The following ANKS1B variants were observed in gnomAD, a reference collection of about 807,000 sequenced individuals.
The protein encoded by ANKS1B is ankyrin repeat and sterile alpha motif domain-containing protein 1B.
A neutral mutation model predicts 148.3 loss-of-function variants in ANKS1B; 36 were observed. The observed-to-expected ratio is 0.24, with a 90% CI of 0.19 to 0.32. ANKS1B has a LOEUF of 0.32. Among genes scored for constraint, ANKS1B ranks in the 10% least tolerant of loss-of-function variants. ANKS1B has a pLI of 1.00. For missense variants in ANKS1B, 1,157 were observed against 1,542.6 expected (o/e 0.75, Z 4.19); for synonymous variants, 542 against 560.8 (o/e 0.97, Z 0.47).
At chr12:98,754,968 T>C (rs1244374062) in intron 25 of ANKS1B, among the ~76,000 whole-genome samples, 2 of 152,218 alleles carry the variant, frequency 1.3e-5, no homozygotes, top group African/African-American at 4.8e-5. Context: ...TTTGTGATTA[T>C]GTATAGTACA....
At chr12:99,678,952 C>A (rs1211940446) in intron 8 of ANKS1B, among the ~76,000 whole-genome samples, 3 of 152,094 alleles carry the variant, frequency 2.0e-5, no homozygotes, top group African/African-American at 7.2e-5. Flanking sequence ...ACTATAATCT[C>A]TTATAAATAT....
intron 8 of ANKS1B, among the ~76,000 whole-genome samples, chr12:99,698,468 C>G (rs1478745794): frequency 6.6e-6 from 1 of 151,864 alleles, no homozygotes; most frequent in Non-Finnish European, 1.5e-5. Flanking sequence ...TACACTGACA[C>G]TATTGGGAAC....
In ANKS1B at chr12:99,632,750, TATATATATATATATATA is replaced by T. The variant is rs1567522557; in HGVS notation, c.1272+22300_1272+22316del. ...TTCTATATATATATATATATATATATATATATATATATATATATTTTAATTATACTTTAAGTTCTAGG... is the reference window on the plus strand; with the variant it reads ...TTCTATATATATATATATATATATATTTTTAATTATACTTTAAGTTCTAGG... On this transcript the variant is annotated intron_variant, in intron 9 of 26. Coordinates refer to ENST00000683438, the MANE Select transcript of ANKS1B (RefSeq NM_001352186.2). Among the ~76,000 whole-genome samples, 42 of 112,408 alleles carry T rather than the reference TATATATATATATATATA, an allele frequency of 3.7e-4. 4 individuals carry two copies. In the East Asian group the frequency reaches 8.5e-3, roughly 23 times the overall value. The allele number at this position is 112,408 out of a possible 152,430, so 73.7% of individuals were successfully genotyped here.
At chr12:99,030,181 G>A (rs2099951149) in intron 17 of ANKS1B, among the ~76,000 whole-genome samples, 1 of 152,216 alleles carries the variant, frequency 6.6e-6, no homozygotes, top group Non-Finnish European at 1.5e-5. Flanking sequence ...CACATCAACT[G>A]CATGGCTGCA....
At chr12:99,836,351 G>C (rs1454850362) in intron 1 of ANKS1B, among the ~76,000 whole-genome samples, 1 of 151,830 alleles carries the variant, frequency 6.6e-6, no homozygotes, top group Non-Finnish European at 1.5e-5. Flanking sequence ...AATAGATCTA[G>C]TATACAGTCA....
At chr12:98,741,539 TG>T (rs1462112799), downstream of ANKS1B, among the ~76,000 whole-genome samples, 19 of 152,184 alleles carry the variant, frequency 1.2e-4, no homozygotes, top group Non-Finnish European at 2.9e-5. Context: ...AACAATCAGC[TG>T]GAACTCAGCA....
intron 1 of ANKS1B, among the ~76,000 whole-genome samples, chr12:99,919,735 G>A (rs2094291548): frequency 7.1e-6 from 1 of 141,140 alleles, no homozygotes; most frequent in Admixed American, 7.4e-5. Context: ...GGCAAATTGA[G>A]CACTTGAAAT....
chr12:98,874,209 T>C (rs545605770), intron 17 of ANKS1B, among the ~76,000 whole-genome samples: 1 of 152,262 alleles, frequency 6.6e-6, no homozygotes, highest in East Asian at 1.9e-4. Context: ...AAATTGTAAC[T>C]TGGCAAGTCT....
At chr12:99,510,151 A>T (rs998395184) in intron 9 of ANKS1B, among the ~76,000 whole-genome samples, 1 of 151,990 alleles carries the variant, frequency 6.6e-6, no homozygotes, top group Admixed American at 6.6e-5. Flanking sequence ...ATCACCCAAG[A>T]GCTCTGATAG....
intron 17 of ANKS1B, among the ~76,000 whole-genome samples, chr12:98,878,320 G>A (rs549921177): frequency 6.6e-6 from 1 of 151,698 alleles, no homozygotes; most frequent in South Asian, 2.1e-4. Context: ...GTTGCAATGA[G>A]CTGAGATGGT....
chr12:98,915,004 T>G (rs545895716), intron 17 of ANKS1B, among the ~76,000 whole-genome samples: 2 of 152,314 alleles, frequency 1.3e-5, no homozygotes, highest in African/African-American at 4.8e-5. Flanking sequence ...TCTTCTTTGT[T>G]TACTGCTACA....
rs1376315366 is a variant in ANKS1B, at chr12:99,632,752, TATATA to T, written c.1272+22310_1272+22314del. ...CTATATATATATATATATATATATA[TATATA>T]TATATATATATTTTAATTATACTTT... On this transcript the variant is annotated intron_variant, in intron 9 of 26. Coordinates refer to ENST00000683438, the MANE Select transcript of ANKS1B (RefSeq NM_001352186.2). Among the ~76,000 whole-genome samples, 17 of 112,292 alleles carry T rather than the reference TATATA, an allele frequency of 1.5e-4. 2 individuals carry two copies. Among genetic ancestry groups the T allele is most frequent in the African/African-American group, 5.4e-4 (17 of 31,596 alleles). 73.7% of individuals were successfully genotyped at this position (112,292 alleles called of 152,430 possible). A position where few individuals can be genotyped will look rare whatever the true frequency, so the allele number is the denominator to read the frequency against.
chr12:99,025,659 A>G (rs1274957925), intron 17 of ANKS1B, among the ~76,000 whole-genome samples: 1 of 152,198 alleles, frequency 6.6e-6, no homozygotes, highest in Non-Finnish European at 1.5e-5. Context: ...GAACCCCAGA[A>G]GACAAAATGG....
At position 99,469,239 on chromosome 12, in the gene ANKS1B, A is replaced by C. The variant is rs1448292438; in HGVS notation, c.1439-25430T>G. ...CTCACTCATAGGTGGGAACTGAACA[A>C]TGAGAACACATGGACACAGGAAGGG... is the stretch of plus-strand genomic sequence containing the variant. On this transcript the variant is annotated intron_variant, in intron 10 of 26. Coordinates refer to ENST00000683438, the MANE Select transcript of ANKS1B (RefSeq NM_001352186.2). Among the ~76,000 whole-genome samples the C allele has an allele frequency of 7.1e-5, 10 of 139,968 alleles. No homozygotes were observed. In the East Asian group the frequency reaches 2.2e-3, roughly 30 times the overall value. 91.8% of individuals were successfully genotyped at this position (139,968 alleles called of 152,430 possible).
chr12:98,911,379 G>T (rs765365905), intron 17 of ANKS1B, among the ~76,000 whole-genome samples: 2 of 152,126 alleles, frequency 1.3e-5, no homozygotes, highest in Admixed American at 6.6e-5. Flanking sequence ...AATGTCAACT[G>T]TATGGCCCTG....
chr12:99,379,652 A>G (rs2093555040), intron 12 of ANKS1B, among the ~76,000 whole-genome samples: 1 of 152,228 alleles, frequency 6.6e-6, no homozygotes, highest in South Asian at 2.1e-4. Context: ...AAGTGATTAC[A>G]CAAGTACAAC....
intron 17 of ANKS1B, among the ~76,000 whole-genome samples, chr12:98,972,878 T>C (rs1299653146): frequency 6.6e-6 from 1 of 152,226 alleles, no homozygotes; most frequent in African/African-American, 2.4e-5. Context: ...TTTTAGCATC[T>C]ACAGAGAACA....
At chr12:99,760,252 A>G (rs908167348) in intron 8 of ANKS1B, among the ~76,000 whole-genome samples, 7 of 151,868 alleles carry the variant, frequency 4.6e-5, no homozygotes, top group Admixed American at 2.6e-4. Context: ...TCACCTGCAC[A>G]GGGAACATAC....
At chr12:99,545,450 C>A (rs2097163513) in intron 9 of ANKS1B, among the ~76,000 whole-genome samples, 1 of 151,920 alleles carries the variant, frequency 6.6e-6, no homozygotes, top group African/African-American at 2.4e-5. Context: ...TCATAATAAC[C>A]ACATTTAAGC....
Sources: gnomAD v4.1 joint callset for allele counts (sites outside exome capture counted in the v4.1 genomes callset) on GRCh38, gnomAD v4.1.1 for gene constraint, MANE v1.5 for transcripts, NCBI Gene and HGNC (gene_info 2026-07-23, HGNC 2026-07-21) for gene names.